ARHGEF10L: variants seen among roughly 807,000 people sequenced by gnomAD.
ARHGEF10L encodes the protein rho guanine nucleotide exchange factor 10-like protein.
A neutral mutation model predicts 141.2 loss-of-function variants in ARHGEF10L; 69 were observed. The ratio of observed to expected loss-of-function variants is 0.49; its 90% CI spans 0.40 to 0.60. The LOEUF is 0.60. Among genes scored for constraint, ARHGEF10L ranks in the 20% least tolerant of loss-of-function variants. ARHGEF10L has a pLI of 0.00. For missense variants in ARHGEF10L, 1,482 were observed against 1,734.3 expected (o/e 0.85, Z 2.58); for synonymous variants, 711 against 718.5 (o/e 0.99, Z 0.17).
the ARHGEF10L span, among the ~76,000 whole-genome samples, chr1:17,515,707 A>G: frequency 3.8e-4 from 58 of 151,948 alleles, no homozygotes; most frequent in Middle Eastern, 6.8e-3. Flanking sequence ...CAGTGATACA[A>G]TCATGGCTTA....
rs375279515 is a variant in ARHGEF10L, at chr1:17,603,815, C to T, written c.433+224C>T. 1.7e-4 allele frequency among the ~76,000 whole-genome samples: 26 copies of T among 152,220 alleles called. 1 individual carries two copies. The highest frequency in any genetic ancestry group is 1.0e-3 in the Admixed American group (16 of 15,278). On this transcript the variant is annotated intron_variant, in intron 6 of 28. Transcript: ENST00000361221. The surrounding 1 kb of genome is among the most constrained non-coding windows in gnomAD (Gnocchi z 4.8). ...GGGCATCATGGGCAGGGCCATGCTC[C>T]GGCTATGGGTCCCCGGGCAGGTAAT...
At chr1:17,593,074 C>T (rs182845023) in intron 4 of ARHGEF10L, among the ~76,000 whole-genome samples, 4 of 152,272 alleles carry the variant, frequency 2.6e-5, no homozygotes, top group African/African-American at 9.6e-5. Flanking sequence ...TGAGGACCCC[C>T]ACAGCCTCTT....
intron 25 of ARHGEF10L, 61 bp from the exon 26 acceptor site, chr1:17,664,386 G>A (rs984617998): frequency 1.3e-5 from 20 of 1,560,370 alleles, no homozygotes; most frequent in Admixed American, 5.4e-5. Context: ...GCTGGCCTGC[G>A]TTCCCAGGAG....
chr1:17,664,784 G>C (rs952736266), intron 26 of ARHGEF10L, among the ~76,000 whole-genome samples, 189 bp downstream of exon 26: 3 of 152,188 alleles, frequency 2.0e-5, no homozygotes, highest in African/African-American at 7.2e-5. Flanking sequence ...GCCACACATC[G>C]CCAAGGCTAC....
the ARHGEF10L span, among the ~76,000 whole-genome samples, chr1:17,523,857 T>A: frequency 7.9e-5 from 12 of 152,210 alleles, no homozygotes; most frequent in East Asian, 2.1e-3. Flanking sequence ...TAGTTATGGC[T>A]GGGAATGCCT....
chr1:17,691,249 A>G, intron 27 of ARHGEF10L: 1 of 390,834 alleles, frequency 2.6e-6, no homozygotes, highest in South Asian at 1.9e-5. Context: ...TCACCATTAG[A>G]ATTTTTTTTT....
rs142831386 is a variant in ARHGEF10L at position 17,619,366 on chromosome 1, T to C, written c.863T>C (p.Leu288Pro). 4 of 1,613,130 alleles carry C rather than the reference T, an allele frequency of 2.5e-6. No individual in the cohort carries two copies. Among genetic ancestry groups the C allele is most frequent in the Non-Finnish European group, 2.5e-6 (3 of 1,179,850 alleles). The stretch of plus-strand genomic sequence containing the variant: ...GACTCGGAGGAGGAGGACATGGGGC[T>C]CCTGGAGGTCAGCGTTTCGGACATC... ...LGDSEEEDMG[L>P]LEVSVSDIKP... The change falls in exon 10 of 29, where the codon CTC becomes CCC. Residue 288 changes from leucine (L) to proline (P), a missense_variant. By Grantham distance (98) the Leu-to-Pro change is moderately conservative. Around this residue, in one of 3 missense-constraint regions of ARHGEF10L, gnomAD observed 392 missense variants for 542.1 expected, o/e 0.72. Coordinates refer to ENST00000361221, the MANE Select transcript of ARHGEF10L (RefSeq NM_018125.4). This position sits in a 1 kb window ranked among gnomAD's most constrained non-coding sequence, Gnocchi z 5.0.
At chr1:17,618,595 C>G (rs1329615755) in intron 9 of ARHGEF10L, 1 of 1,134,672 alleles carries the variant, frequency 8.8e-7, no homozygotes, top group African/African-American at 1.6e-5. Flanking sequence ...TCCTCCCCAG[C>G]TTCCTCACAG....
chr1:17,539,831 G>A lies in ARHGEF10L; in HGVS notation c.-163G>A, dbSNP rs1373567039. 1.0e-4 allele frequency: 15 copies of A among 147,318 alleles called. No individual in the cohort carries two copies. Among genetic ancestry groups the A allele is most frequent in the African/African-American group, 3.4e-4 (14 of 40,850 alleles). 9.1% of individuals were successfully genotyped at this position (147,318 alleles called of 1,614,324 possible). ...CTCGGGTGGCGGCGGCTGCGGCGGT[G>A]GGGGCGCCGTCCCGGCCATGGGCGC... On this transcript the variant is annotated 5_prime_UTR_variant, in exon 1 of 29. Transcript: ENST00000361221. This position sits in a 1 kb window ranked among gnomAD's most constrained non-coding sequence, Gnocchi z 6.0.
intron 22 of ARHGEF10L, among the ~76,000 whole-genome samples, chr1:17,650,125 C>T (rs1044778662): frequency 4.6e-5 from 7 of 151,998 alleles, no homozygotes; most frequent in African/African-American, 1.2e-4. Context: ...GAATGGATAC[C>T]GGGACTGAGC....
At chr1:17,592,036 G>A (rs1310702439) in intron 4 of ARHGEF10L, among the ~76,000 whole-genome samples, 1 of 152,212 alleles carries the variant, frequency 6.6e-6, no homozygotes, top group East Asian at 1.9e-4. Flanking sequence ...GGCCCACAGG[G>A]TTTGCTTCTC....
intron 27 of ARHGEF10L, among the ~76,000 whole-genome samples, chr1:17,692,009 C>A (rs2102568548): frequency 6.6e-6 from 1 of 152,298 alleles, no homozygotes; most frequent in Middle Eastern, 3.4e-3. Context: ...TCATCACAGA[C>A]CTTGACCAGG....
rs59502902 is a variant in ARHGEF10L at position 17,572,386 on chromosome 1, C to A, written c.-43-8167C>A. ...CCTGTGACCGATGGAGAGCGTGGTG[C>A]GGGCCCCTTCCTGCTGTCCCTCTGT... On this transcript the variant is annotated intron_variant, in intron 1 of 28. Transcript: ENST00000361221. 2.2e-3 allele frequency among the ~76,000 whole-genome samples: 339 copies of A among 152,246 alleles called. 1 individual carries two copies. Among genetic ancestry groups the A allele is most frequent in the East Asian group, 0.017 (90 of 5,166 alleles).
chr1:17,656,464 C>G lies in ARHGEF10L; in HGVS notation c.2706-90C>G. The G allele has an allele frequency of 6.7e-7, 1 of 1,489,770 alleles. No homozygotes were observed. The highest frequency in any genetic ancestry group is 9.1e-7 in the Non-Finnish European group (1 of 1,097,502). The allele number at this position is 1,489,770 out of a possible 1,614,324, so 92.3% of individuals were successfully genotyped here. A position where few individuals can be genotyped will look rare whatever the true frequency, so the allele number is the denominator to read the frequency against. On this transcript the variant is annotated intron_variant, in intron 24 of 28. Coordinates refer to ENST00000361221, the MANE Select transcript of ARHGEF10L (RefSeq NM_018125.4). The surrounding 1 kb of genome is among the most constrained non-coding windows in gnomAD (Gnocchi z 4.9). The stretch of plus-strand genomic sequence containing the variant: ...GGCGTGGCTGAGAGGGGTCAGCTCC[C>G]TGGGGCCCTCTCCCTAGGAGGGCAT...
At chr1:17,587,745 T>C (rs1475417659) in intron 3 of ARHGEF10L, 100 bp downstream of exon 3, 11 of 1,321,238 alleles carry the variant, frequency 8.3e-6, no homozygotes, top group Non-Finnish European at 1.1e-5. Flanking sequence ...GCCCCTCCGC[T>C]GTCCCCAGAA....
At chr1:17,638,212 C>G (rs1271384700) in intron 19 of ARHGEF10L, among the ~76,000 whole-genome samples, 1 of 152,240 alleles carries the variant, frequency 6.6e-6, no homozygotes, top group Non-Finnish European at 1.5e-5. Flanking sequence ...GGCGCATCCT[C>G]TGGTTTGGGT....
intron 1 of ARHGEF10L, among the ~76,000 whole-genome samples, chr1:17,572,219 C>T (rs773115291): frequency 4.6e-5 from 7 of 152,344 alleles, no homozygotes; most frequent in Middle Eastern, 3.4e-3. Context: ...ACCAGGGCAC[C>T]GGCAGAGGAG....
intron 7 of ARHGEF10L, among the ~76,000 whole-genome samples, chr1:17,610,760 C>G (rs2059507386): frequency 6.6e-6 from 1 of 152,202 alleles, no homozygotes; most frequent in Admixed American, 6.5e-5. Context: ...TGGCCAGGCA[C>G]CCTGCCCAGC....
In ARHGEF10L at chr1:17,603,805, G is replaced by A. The variant is rs1423961030; in HGVS notation, c.433+214G>A. ...GGCAGGGCTTGGGCATCATGGGCAG[G>A]GCCATGCTCCGGCTATGGGTCCCCG... On this transcript the variant is annotated intron_variant, in intron 6 of 28. Coordinates refer to ENST00000361221, the MANE Select transcript of ARHGEF10L (RefSeq NM_018125.4). This position sits in a 1 kb window ranked among gnomAD's most constrained non-coding sequence, Gnocchi z 4.8. 1.3e-5 allele frequency among the ~76,000 whole-genome samples: 2 copies of A among 152,368 alleles called. No individual in the cohort carries two copies. Among genetic ancestry groups the A allele is most frequent in the South Asian group, 2.1e-4 (1 of 4,830 alleles).
Sources: gnomAD v4.1 joint callset for allele counts (sites outside exome capture counted in the v4.1 genomes callset) on GRCh38, gnomAD v4.1.1 for gene constraint, gnomAD v4.1.1 regional missense constraint, Gnocchi (gnomAD v3.1) non-coding constraint, MANE v1.5 for transcripts, NCBI Gene and HGNC (gene_info 2026-07-23, HGNC 2026-07-21) for gene names.